The following LRP1B variants were observed in gnomAD, a reference collection of about 807,000 sequenced individuals.
LRP1B encodes LDL receptor related protein 1B, also known as low-density lipoprotein receptor-related protein 1B.
In LRP1B, 217 loss-of-function variants were observed where a neutral mutation model predicts 556.6. That is an observed-to-expected ratio of 0.39 (90% CI 0.35 to 0.44). The LOEUF (loss-of-function observed/expected upper bound fraction) is 0.44. LRP1B is among the 20% of genes least tolerant of loss of function. The probability of loss-of-function intolerance (pLI) is 1.00; values close to 1 mark genes in which losing one functional copy is unlikely to be tolerated. For missense variants in LRP1B, 5,053 were observed against 5,620.8 expected, an observed-to-expected ratio of 0.90 and a Z score of 3.23; for synonymous variants, 2,047 against 1,865.8, an observed-to-expected ratio of 1.10 and a Z score of -2.50.
At chr2:141,014,535 T>C (rs1697848311) in intron 13 of LRP1B, among the ~76,000 whole-genome samples, 1 of 152,082 alleles carries the variant, frequency 6.6e-6, no homozygotes, top group Non-Finnish European at 1.5e-5. Flanking sequence ...GAATACAAGA[T>C]GAAAAAGATT....
intron 6 of LRP1B, among the ~76,000 whole-genome samples, chr2:141,216,382 G>A (rs977210714): frequency 5.3e-5 from 8 of 152,226 alleles, no homozygotes. Context: ...GGAAAGCGTG[G>A]TTGCCCATGC....
At chr2:141,169,012 G>A (rs866507954) in intron 7 of LRP1B, among the ~76,000 whole-genome samples, 21 of 151,918 alleles carry the variant, frequency 1.4e-4, no homozygotes, top group African/African-American at 4.8e-4. Flanking sequence ...CTGGCCAGGC[G>A]CGGTGGCTCA....
chr2:141,729,983 A>C (rs1039197023), intron 2 of LRP1B, among the ~76,000 whole-genome samples: 12 of 152,116 alleles, frequency 7.9e-5, no homozygotes, highest in African/African-American at 2.7e-4. Context: ...GCATTAAATC[A>C]AAGCATTTTT....
At chr2:141,979,555 C>T (rs913722549) in intron 1 of LRP1B, among the ~76,000 whole-genome samples, 1 of 151,930 alleles carries the variant, frequency 6.6e-6, no homozygotes, top group African/African-American at 2.4e-5. Context: ...AGAAAAGCAC[C>T]CTTGTTCCCT....
chr2:140,688,238 G>T (rs1185456954), intron 41 of LRP1B, among the ~76,000 whole-genome samples: 1 of 152,034 alleles, frequency 6.6e-6, no homozygotes, highest in African/African-American at 2.4e-5. Flanking sequence ...CATTATTTGA[G>T]CTACACATGT....
At chr2:141,522,799 C>T (rs1026686083) in intron 2 of LRP1B, among the ~76,000 whole-genome samples, 1 of 152,124 alleles carries the variant, frequency 6.6e-6, no homozygotes, top group East Asian at 1.9e-4. Flanking sequence ...TTCTTTTGCC[C>T]TCTGCAAGCT....
intron 1 of LRP1B, among the ~76,000 whole-genome samples, chr2:141,940,349 C>T (rs190097719): frequency 5.3e-5 from 8 of 152,146 alleles, no homozygotes; most frequent in Admixed American, 3.3e-4. Flanking sequence ...TCTTCAATGA[C>T]GTACTAACTA....
chr2:141,457,192 G>T (rs1185812439), intron 3 of LRP1B, among the ~76,000 whole-genome samples: 4 of 152,188 alleles, frequency 2.6e-5, no homozygotes, highest in Admixed American at 6.5e-5. Flanking sequence ...CATGTTTTGG[G>T]TCAGGGAAGG....
At chr2:140,466,539 T>C (rs189088892) in intron 60 of LRP1B, among the ~76,000 whole-genome samples, 5 of 152,250 alleles carry the variant, frequency 3.3e-5, no homozygotes, top group Admixed American at 6.5e-5. Flanking sequence ...TGAATATAAT[T>C]GCTAGAAATT....
At chr2:140,245,712 G>A (rs890385453) in intron 87 of LRP1B, among the ~76,000 whole-genome samples, 3 of 151,280 alleles carry the variant, frequency 2.0e-5, no homozygotes, top group Admixed American at 1.3e-4. Context: ...TAAATCTTGG[G>A]AAGAGAGATA....
chr2:141,675,928 G>A (rs1477787861), intron 2 of LRP1B, among the ~76,000 whole-genome samples: 2 of 151,882 alleles, frequency 1.3e-5, no homozygotes, highest in African/African-American at 2.4e-5. Flanking sequence ...ACTGAGGCTT[G>A]GAGAGCTTCT....
rs192555964 is a variant in LRP1B at position 140,647,299 on chromosome 2, C to T, written c.6800-45660G>A. 2.7e-3 allele frequency among the ~76,000 whole-genome samples: 410 copies of T among 152,194 alleles called. 2 individuals are homozygous for T. Among genetic ancestry groups the T allele is most frequent in the Admixed American group, 6.1e-3 (93 of 15,290 alleles). On this transcript the variant is annotated intron_variant, in intron 41 of 90. Transcript: ENST00000389484. ...GGAGTTCTGCAATAAATAGTCTTTC[C>T]AACCCTTTATGCTTTACATCATCAG...
At position 140,284,747 on chromosome 2, in the gene LRP1B, A is replaced by T. The variant is rs182342747; in HGVS notation, c.12968-10149T>A. Among the ~76,000 whole-genome samples the T allele has an allele frequency of 2.2e-4, 33 of 150,590 alleles. 2 individuals carry two copies. The highest frequency in any genetic ancestry group is 6.1e-4 in the African/African-American group (25 of 41,030). ...TCTAGTTTTTTTTTTCAATGTTACA[A>T]TGCAACCAAAAATATGAGTGAAAAG... On this transcript the variant is annotated intron_variant, in intron 84 of 90. Coordinates refer to ENST00000389484, the MANE Select transcript of LRP1B (RefSeq NM_018557.3).
At chr2:142,113,280 T>C (rs1707067178) in intron 1 of LRP1B, among the ~76,000 whole-genome samples, 1 of 152,026 alleles carries the variant, frequency 6.6e-6, no homozygotes, top group African/African-American at 2.4e-5. Flanking sequence ...TGTTAAAAAT[T>C]CAATATGGGT....
intron 31 of LRP1B, among the ~76,000 whole-genome samples, chr2:140,836,714 A>G (rs1419874061): frequency 6.6e-6 from 1 of 152,180 alleles, no homozygotes; most frequent in East Asian, 1.9e-4. Flanking sequence ...AGTATATAGC[A>G]AGCTGGGGAA....
intron 59 of LRP1B, among the ~76,000 whole-genome samples, chr2:140,481,580 TA>T (rs1318636750): frequency 0.01 from 995 of 96,822 alleles, 5 homozygotes; most frequent in Admixed American, 0.015. Flanking sequence ...TAGCCATCTT[TA>T]TTATTATTAT....
chr2:141,779,400 A>G (rs912710504), intron 2 of LRP1B, among the ~76,000 whole-genome samples: 1 of 151,574 alleles, frequency 6.6e-6, no homozygotes, highest in African/African-American at 2.4e-5. Context: ...ATTATAGACA[A>G]ATATGTTCAA....
chr2:140,740,947 A>G (rs1277354609), intron 35 of LRP1B, among the ~76,000 whole-genome samples: 1 of 152,170 alleles, frequency 6.6e-6, no homozygotes, highest in Non-Finnish European at 1.5e-5. Flanking sequence ...GCTAGGGGTT[A>G]GAACTTCAAC....
chr2:141,197,395 CTTATTTA>C (rs1681800377), intron 6 of LRP1B, among the ~76,000 whole-genome samples: 1 of 152,034 alleles, frequency 6.6e-6, no homozygotes, highest in Non-Finnish European at 1.5e-5. Context: ...AATATGAAAT[CTTATTTA>C]TTATTTAATT....
Sources: allele counts gnomAD v4.1 joint callset (sites outside exome capture counted in the v4.1 genomes callset), GRCh38; gene constraint gnomAD v4.1.1; transcripts MANE v1.5; gene names NCBI Gene and HGNC (gene_info 2026-07-23, HGNC 2026-07-21).